TSPAN2: variants seen among roughly 807,000 people sequenced by gnomAD.
TSPAN2 encodes tetraspanin 2, also known as tetraspanin-2.
TSPAN2 carries 24 observed loss-of-function variants against 33.3 expected under a neutral mutation model. The observed-to-expected ratio is 0.72, with a 90% CI of 0.52 to 1.01. The LOEUF (loss-of-function observed/expected upper bound fraction) is 1.01. Ranked by LOEUF, TSPAN2 falls within the 50% of genes least tolerant of loss-of-function variation. The pLI, the probability that TSPAN2 is intolerant of heterozygous loss-of-function variation, is 0.00. For synonymous variants in TSPAN2, 114 were observed against 104.5 expected, an observed-to-expected ratio of 1.09 and a Z score of -0.56; for missense variants, 278 against 281.3, an observed-to-expected ratio of 0.99 and a Z score of 0.08.
intron 2 of TSPAN2, 95 bp from the exon 3 acceptor site, chr1:115,062,327 A>G (rs1212971194): frequency 8.9e-6 from 8 of 902,822 alleles, no homozygotes; most frequent in Non-Finnish European, 1.4e-5. Flanking sequence ...GAGCATTCTA[A>G]TAGTACCAAA....
chr1:115,052,514 C>G (rs1476838571), intron 7 of TSPAN2, among the ~76,000 whole-genome samples: 2 of 152,188 alleles, frequency 1.3e-5, no homozygotes, highest in Non-Finnish European at 2.9e-5. Context: ...CTTGGTGACT[C>G]CCCTTTCCTT....
At chr1:115,072,859 G>GC in intron 2 of TSPAN2, 46 bp downstream of exon 2, 1 of 1,478,898 alleles carries the variant, frequency 6.8e-7, no homozygotes, top group Admixed American at 1.7e-5. Flanking sequence ...TCTTTGCACA[G>GC]CCCCATCTAC....
intron 1 of TSPAN2, among the ~76,000 whole-genome samples, chr1:115,075,733 C>T (rs144836319): frequency 3.9e-5 from 6 of 152,288 alleles, no homozygotes; most frequent in Admixed American, 1.3e-4. Flanking sequence ...AATTTTAACC[C>T]GATGAGGCCA....
At chr1:115,079,462 G>A (rs1648542169) in intron 1 of TSPAN2, among the ~76,000 whole-genome samples, 1 of 152,140 alleles carries the variant, frequency 6.6e-6, no homozygotes, top group African/African-American at 2.4e-5. Flanking sequence ...GCAGGCAAAA[G>A]TCAGAAGCAC....
chr1:115,073,265 C>T lies in TSPAN2; in HGVS notation c.70-258G>A, dbSNP rs116797753. On this transcript the variant is annotated intron_variant, in intron 1 of 7. Transcript: ENST00000369516. ...GGTTTTTCCATGATGCCAGGCTGCCCTGTGGTTATGGGGCACACACAGCAC... is the reference window on the plus strand; with the variant it reads ...GGTTTTTCCATGATGCCAGGCTGCCTTGTGGTTATGGGGCACACACAGCAC... 3.8e-3 allele frequency among the ~76,000 whole-genome samples: 572 copies of T among 152,282 alleles called. 4 individuals are homozygous for T. Among genetic ancestry groups the T allele is most frequent in the African/African-American group, 0.013 (546 of 41,548 alleles).
chr1:115,061,170 G>A (rs924433883), intron 3 of TSPAN2, among the ~76,000 whole-genome samples: 16 of 152,214 alleles, frequency 1.1e-4, no homozygotes, highest in African/African-American at 3.9e-4. Context: ...AAATAAGTCA[G>A]ACATTTCACA....
intron 1 of TSPAN2, 32 bp from the exon 2 acceptor site, chr1:115,073,039 G>C (rs770762774): frequency 6.4e-7 from 1 of 1,567,424 alleles, no homozygotes; most frequent in African/African-American, 1.4e-5. Flanking sequence ...GTTTACAGTG[G>C]AAGGGGAAAG....
At chr1:115,063,333 C>G (rs980121195) in intron 2 of TSPAN2, among the ~76,000 whole-genome samples, 6 of 152,222 alleles carry the variant, frequency 3.9e-5, no homozygotes, top group Non-Finnish European at 7.3e-5. Flanking sequence ...CTCGTCATCT[C>G]TAATCATCAG....
chr1:115,059,023 A>G (rs1647553345), intron 4 of TSPAN2, 42 bp from the exon 5 acceptor site: 2 of 1,452,360 alleles, frequency 1.4e-6, no homozygotes, highest in Non-Finnish European at 1.9e-6. Context: ...CTGGGTGGGA[A>G]GTTTCAAACA....
chr1:115,071,305 T>A (rs1648165452), intron 2 of TSPAN2, among the ~76,000 whole-genome samples: 1 of 152,152 alleles, frequency 6.6e-6, no homozygotes, highest in South Asian at 2.1e-4. Context: ...CTGAAAAAGG[T>A]TTTACTCATT....
intron 7 of TSPAN2, among the ~76,000 whole-genome samples, chr1:115,052,690 G>A (rs1230903896): frequency 2.0e-5 from 3 of 152,310 alleles, no homozygotes; most frequent in African/African-American, 7.2e-5. Context: ...GCCACCTGGT[G>A]GTGGTCTGGA....
chr1:115,075,375 C>T (rs950228834), intron 1 of TSPAN2, among the ~76,000 whole-genome samples: 11 of 152,098 alleles, frequency 7.2e-5, no homozygotes, highest in Non-Finnish European at 1.2e-4. Context: ...AGGCTGCTGC[C>T]GGCTGTGTCA....
intron 7 of TSPAN2, among the ~76,000 whole-genome samples, chr1:115,051,538 A>G (rs1181747268): frequency 1.3e-5 from 2 of 152,164 alleles, no homozygotes; most frequent in East Asian, 1.9e-4. Context: ...CTTGTCCGCT[A>G]TTATTTCCCC....
chr1:115,058,693 G>C (rs1570967906), intron 5 of TSPAN2, among the ~76,000 whole-genome samples, 190 bp downstream of exon 5: 2 of 152,324 alleles, frequency 1.3e-5, no homozygotes, highest in East Asian at 3.9e-4. Flanking sequence ...TGAACTCTGT[G>C]TGATAGACAT....
intron 7 of TSPAN2, among the ~76,000 whole-genome samples, chr1:115,051,708 T>C (rs1408627731): frequency 6.6e-6 from 1 of 152,164 alleles, no homozygotes; most frequent in Non-Finnish European, 1.5e-5. Context: ...CAATAAGATA[T>C]GAATGATCAG....
intron 1 of TSPAN2, 52 bp downstream of exon 1, chr1:115,089,312 G>A (rs2101054151): frequency 7.2e-7 from 1 of 1,389,176 alleles, no homozygotes; most frequent in Non-Finnish European, 9.8e-7. Context: ...CCGGCCCCGC[G>A]CCCGCCACCC....
intron 2 of TSPAN2, among the ~76,000 whole-genome samples, chr1:115,069,670 GT>G (rs1648090228): frequency 6.6e-6 from 1 of 152,208 alleles, no homozygotes; most frequent in Non-Finnish European, 1.5e-5. Context: ...GTCAATAAAG[GT>G]CTGTGTTGCT....
At chr1:115,089,183 G>A (rs1648958918) in intron 1 of TSPAN2, among the ~76,000 whole-genome samples, 181 bp downstream of exon 1, 1 of 152,068 alleles carries the variant, frequency 6.6e-6, no homozygotes, top group Non-Finnish European at 1.5e-5. Flanking sequence ...CTGTCTTCCC[G>A]TTCTCTCCCT....
At chr1:115,057,429 G>T in intron 6 of TSPAN2, 108 bp downstream of exon 6, 1 of 1,081,628 alleles carries the variant, frequency 9.2e-7, no homozygotes, top group Non-Finnish European at 1.4e-6. Context: ...GCTGCCACTA[G>T]AGCAAATTCA....
Sources: allele counts gnomAD v4.1 joint callset (sites outside exome capture counted in the v4.1 genomes callset), GRCh38; gene constraint gnomAD v4.1.1; transcripts MANE v1.5; gene names NCBI Gene and HGNC (gene_info 2026-07-23, HGNC 2026-07-21).